LHFPL2: variants seen among roughly 807,000 people sequenced by gnomAD.
LHFPL2 encodes LHFPL tetraspan subfamily member 2.
LHFPL2 carries 7 observed loss-of-function variants against 17.5 expected under a neutral mutation model. That is an observed-to-expected ratio of 0.40 (90% CI 0.23 to 0.75). LHFPL2 has a LOEUF of 0.75. LHFPL2 is among the 30% of genes least tolerant of loss of function. The pLI is 0.37. For missense variants in LHFPL2, 241 were observed against 294.8 expected (o/e 0.82, Z 1.34); for synonymous variants, 134 against 116.2 (o/e 1.15, Z -0.99).
Position 78,509,838 on chromosome 5 carries a change from T to C in LHFPL2, c.376A>G (p.Ser126Gly), listed in dbSNP as rs927268276. ...LVSVFTMCVQ[S>G]IMKKSIFNVC... is the part of the protein sequence containing the mutation. ...TTGAAGATGCTTTTCTTCATGATGC[T>C]CTGTACACACATGGTGAAGACGGAC... Residue 126 changes from serine (S) to glycine (G), a missense_variant, in exon 4 of 5, where the codon AGC becomes GGC. By Grantham distance (56) the Ser-to-Gly change is moderately conservative. Coordinates refer to ENST00000380345, the MANE Select transcript of LHFPL2 (RefSeq NM_005779.3). The C allele has an allele frequency of 6.2e-7, 1 of 1,614,160 alleles. No individual in the cohort carries two copies. Among genetic ancestry groups the C allele is most frequent in the Non-Finnish European group, 8.5e-7 (1 of 1,180,038 alleles).
rs759507894 is a variant in LHFPL2, at chr5:78,510,224, C to A, written c.-11G>T. The stretch of plus-strand genomic sequence containing the variant: ...AATGACATGACACATATTGATGTTC[C>A]GGGCGAAGAAAGAGTCAGGAGTCCA... On this transcript the variant is annotated 5_prime_UTR_variant, in exon 4 of 5. Transcript: ENST00000380345. 5 of 1,569,090 alleles carry A rather than the reference C, an allele frequency of 3.2e-6. No homozygotes were observed. Among genetic ancestry groups the A allele is most frequent in the Non-Finnish European group, 4.3e-6 (5 of 1,154,608 alleles).
At chr5:78,599,330 G>C (rs1054058195) in intron 2 of LHFPL2, among the ~76,000 whole-genome samples, 1 of 152,024 alleles carries the variant, frequency 6.6e-6, no homozygotes, top group Non-Finnish European at 1.5e-5. Flanking sequence ...ACAGAGTTTT[G>C]CTCTTGTTGC....
At position 78,518,232 on chromosome 5, in the gene LHFPL2, G is replaced by C. The variant is rs571497315; in HGVS notation, c.-185-7834C>G. 9.2e-5 allele frequency among the ~76,000 whole-genome samples: 14 copies of C among 152,340 alleles called. No individual in the cohort carries two copies. In the South Asian group the frequency reaches 2.9e-3, roughly 32 times the overall value. On this transcript the variant is annotated intron_variant, in intron 3 of 4. Transcript: ENST00000380345. The stretch of plus-strand genomic sequence containing the variant: ...CTGGGCAAAATATAAGTCTTAAAGT[G>C]AACCTCTTGTGTCTTCTCAGGATAA...
intron 3 of LHFPL2, among the ~76,000 whole-genome samples, chr5:78,532,696 T>C (rs1755822321): frequency 6.6e-6 from 1 of 152,028 alleles, no homozygotes; most frequent in African/African-American, 2.4e-5. Context: ...ACCATCACCG[T>C]CATTTAAATG....
intron 2 of LHFPL2, among the ~76,000 whole-genome samples, chr5:78,582,642 T>A (rs1329068830): frequency 3.3e-5 from 5 of 152,202 alleles, no homozygotes; most frequent in Non-Finnish European, 4.4e-5. Flanking sequence ...TGCACTGTGG[T>A]CTGAGAGACA....
intron 2 of LHFPL2, among the ~76,000 whole-genome samples, chr5:78,584,806 C>A (rs937894030): frequency 1.3e-5 from 2 of 152,116 alleles, no homozygotes; most frequent in Non-Finnish European, 2.9e-5. Context: ...CTGTGGTGGG[C>A]TCCACCCTGT....
intron 3 of LHFPL2, among the ~76,000 whole-genome samples, chr5:78,537,508 C>T (rs796393839): frequency 6.6e-6 from 1 of 152,196 alleles, no homozygotes; most frequent in African/African-American, 2.4e-5. Context: ...ATTCCAAGGG[C>T]ATTGGACACA....
chr5:78,488,348 T>C lies in LHFPL2; in HGVS notation c.*549A>G. ...CCACAGCATGACTCCACGCCATCCC[T>C]GCTGACCCCTTTGGTCAGCTAAGCA... On this transcript the variant is annotated 3_prime_UTR_variant, in exon 5 of 5. Coordinates refer to ENST00000380345, the MANE Select transcript of LHFPL2 (RefSeq NM_005779.3). 6.1e-6 allele frequency: 1 copy of C among 164,090 alleles called. No homozygotes were observed. Among genetic ancestry groups the C allele is most frequent in the Admixed American group, 5.6e-5 (1 of 17,934 alleles). 10.2% of individuals were successfully genotyped at this position (164,090 alleles called of 1,614,324 possible).
intron 2 of LHFPL2, among the ~76,000 whole-genome samples, chr5:78,630,552 G>C (rs1215365010): frequency 6.6e-6 from 1 of 152,050 alleles, no homozygotes; most frequent in East Asian, 1.9e-4. Context: ...AAGAGGGTCA[G>C]CTGGGAGTCA....
At chr5:78,492,831 A>T (rs1173852851) in intron 4 of LHFPL2, among the ~76,000 whole-genome samples, 1 of 152,210 alleles carries the variant, frequency 6.6e-6, no homozygotes, top group South Asian at 2.1e-4. Context: ...AAGTGTGCCA[A>T]CCACACGCTG....
At chr5:78,589,946 C>A (rs1462659538) in intron 2 of LHFPL2, 2 of 152,214 alleles carry the variant, frequency 1.3e-5, no homozygotes, top group Non-Finnish European at 2.9e-5. Context: ...TTAAACCTAG[C>A]CCCTGCAGGT....
intron 4 of LHFPL2, among the ~76,000 whole-genome samples, chr5:78,508,975 C>T (rs1419352196): frequency 6.6e-6 from 1 of 152,064 alleles, no homozygotes; most frequent in East Asian, 1.9e-4. Context: ...CAGATTGTTA[C>T]CCCATTGGTT....
intron 3 of LHFPL2, among the ~76,000 whole-genome samples, chr5:78,515,027 A>T (rs1373531873): frequency 6.6e-6 from 1 of 152,182 alleles, no homozygotes; most frequent in Non-Finnish European, 1.5e-5. Context: ...ACCCCTAAAT[A>T]CTTTAGCATA....
chr5:78,586,228 T>C (rs1393448056), intron 2 of LHFPL2, among the ~76,000 whole-genome samples: 1 of 152,146 alleles, frequency 6.6e-6, no homozygotes, highest in Non-Finnish European at 1.5e-5. Context: ...TTTTTCCTCA[T>C]CCGAAACATG....
intron 3 of LHFPL2, among the ~76,000 whole-genome samples, chr5:78,513,649 A>C (rs983884559): frequency 2.0e-5 from 3 of 152,144 alleles, no homozygotes; most frequent in African/African-American, 7.2e-5. Context: ...AAGATAATTG[A>C]ATCATGGGGG....
intron 3 of LHFPL2, among the ~76,000 whole-genome samples, chr5:78,529,189 G>C (rs1755707201): frequency 6.6e-6 from 1 of 152,176 alleles, no homozygotes; most frequent in Non-Finnish European, 1.5e-5. Context: ...AGGAGGCTGA[G>C]GTGGGAGGAT....
intron 3 of LHFPL2, among the ~76,000 whole-genome samples, chr5:78,559,291 A>G (rs1275667774): frequency 6.6e-6 from 1 of 152,226 alleles, no homozygotes; most frequent in African/African-American, 2.4e-5. Context: ...CTTCAATTTG[A>G]CCAACATTTA....
chr5:78,513,576 C>T (rs1052653594), intron 3 of LHFPL2, among the ~76,000 whole-genome samples: 67 of 152,144 alleles, frequency 4.4e-4, no homozygotes, highest in African/African-American at 1.6e-3. Context: ...TGTGTCCGCA[C>T]CCAAATCTCA....
chr5:78,490,977 A>C (rs1750921882), intron 4 of LHFPL2: 2 of 152,106 alleles, frequency 1.3e-5, no homozygotes, highest in South Asian at 4.1e-4. Flanking sequence ...ACCCCACCAA[A>C]GCTTCTAAGT....
Sources: allele counts gnomAD v4.1 joint callset (sites outside exome capture counted in the v4.1 genomes callset), GRCh38; gene constraint gnomAD v4.1.1; transcripts MANE v1.5; gene names NCBI Gene and HGNC (gene_info 2026-07-23, HGNC 2026-07-21).